WWOX: variants seen among roughly 807,000 people sequenced by gnomAD.
WWOX encodes the protein WW domain-containing oxidoreductase.
A neutral mutation model predicts 46.2 loss-of-function variants in WWOX; 69 were observed. The ratio of observed to expected loss-of-function variants is 1.49; its 90% CI spans 1.23 to 1.82. WWOX has a LOEUF of 1.82. Among genes scored for constraint, WWOX ranks in the 40% most tolerant of loss-of-function variants. The probability of loss-of-function intolerance (pLI) is 0.00; values close to 1 mark genes in which losing one functional copy is unlikely to be tolerated. For missense variants in WWOX, 919 were observed against 542.6 expected, an observed-to-expected ratio of 1.69 and a Z score of -6.89; for synonymous variants, 359 against 202.6, an observed-to-expected ratio of 1.77 and a Z score of -6.56.
intron 8 of WWOX, among the ~76,000 whole-genome samples, chr16:78,506,868 A>G (rs1473109405): frequency 1.3e-5 from 2 of 151,580 alleles, no homozygotes; most frequent in African/African-American, 4.9e-5. Flanking sequence ...ACCTACCACC[A>G]CGCCTGGCTA....
chr16:78,798,681 G>A (rs1311355826), intron 8 of WWOX, among the ~76,000 whole-genome samples: 1 of 151,504 alleles, frequency 6.6e-6, no homozygotes, highest in Admixed American at 6.6e-5. Flanking sequence ...ACCATCTCAG[G>A]GGTAAATAAA....
intron 8 of WWOX, among the ~76,000 whole-genome samples, chr16:78,983,064 G>C (rs1388563497): frequency 6.6e-6 from 1 of 152,174 alleles, no homozygotes; most frequent in Non-Finnish European, 1.5e-5. Context: ...TGTAGTCTGA[G>C]TTTCTTGTGG....
At chr16:78,619,217 A>T (rs1261509706) in intron 8 of WWOX, among the ~76,000 whole-genome samples, 1 of 84,150 alleles carries the variant, frequency 1.2e-5, no homozygotes, top group African/African-American at 4.6e-5. Context: ...ATATATATGT[A>T]GCCATGCATG....
intron 8 of WWOX, among the ~76,000 whole-genome samples, chr16:78,576,625 A>G (rs2044887162): frequency 6.6e-6 from 1 of 152,174 alleles, no homozygotes; most frequent in East Asian, 1.9e-4. Context: ...TTGAGGCCAG[A>G]AGTTTGTGAC....
At chr16:78,420,743 C>T (rs914475965) in intron 6 of WWOX, among the ~76,000 whole-genome samples, 1 of 149,362 alleles carries the variant, frequency 6.7e-6, no homozygotes, top group African/African-American at 2.5e-5. Context: ...AACAGCTGTA[C>T]AGTATACATA....
intron 1 of WWOX, among the ~76,000 whole-genome samples, chr16:78,103,478 G>A (rs544287387): frequency 1.3e-4 from 20 of 151,880 alleles, no homozygotes; most frequent in Non-Finnish European, 2.1e-4. Flanking sequence ...CCTTGTGTCC[G>A]TCCCTGCTGG....
intron 8 of WWOX, among the ~76,000 whole-genome samples, chr16:78,640,869 G>T (rs1313081878): frequency 6.6e-6 from 1 of 150,854 alleles, no homozygotes; most frequent in Non-Finnish European, 1.5e-5. Context: ...AACCTGGGAA[G>T]CAGAGGTTGC....
intron 8 of WWOX, among the ~76,000 whole-genome samples, chr16:78,910,871 G>C (rs530564231): frequency 3.3e-5 from 5 of 151,924 alleles, no homozygotes; most frequent in South Asian, 2.1e-4. Context: ...ATGAGATTTG[G>C]GTGGGGACAC....
chr16:78,443,361 A>T (rs1033966676), intron 8 of WWOX, among the ~76,000 whole-genome samples: 6 of 152,144 alleles, frequency 3.9e-5, no homozygotes, highest in African/African-American at 1.4e-4. Context: ...CCACTAAGAC[A>T]GATTACACAA....
intron 8 of WWOX, among the ~76,000 whole-genome samples, chr16:79,056,702 G>C (rs183036613): frequency 1.1e-4 from 16 of 152,294 alleles, no homozygotes; most frequent in African/African-American, 3.8e-4. Context: ...TAAGGGTCAT[G>C]TCTCTTGGCT....
intron 8 of WWOX, among the ~76,000 whole-genome samples, chr16:78,607,644 CTTTTTT>C (rs4035989): frequency 7.1e-6 from 1 of 141,564 alleles, no homozygotes; most frequent in Non-Finnish European, 1.5e-5. Flanking sequence ...ATTTGTTCTT[CTTTTTT>C]TTTTTTTTGG....
At chr16:79,179,475 A>G (rs929767783) in intron 8 of WWOX, among the ~76,000 whole-genome samples, 17 of 152,214 alleles carry the variant, frequency 1.1e-4, no homozygotes, top group Admixed American at 4.6e-4. Flanking sequence ...AGTCCGAACC[A>G]AGGGAAAACC....
chr16:78,544,768 A>G (rs1005109596), intron 8 of WWOX, among the ~76,000 whole-genome samples: 14 of 152,064 alleles, frequency 9.2e-5, no homozygotes, highest in Admixed American at 7.9e-4. Context: ...CCAGCTACTC[A>G]GGAGACTGCG....
At chr16:78,998,881 G>T (rs1172811343) in intron 8 of WWOX, among the ~76,000 whole-genome samples, 1 of 152,182 alleles carries the variant, frequency 6.6e-6, no homozygotes, top group African/African-American at 2.4e-5. Flanking sequence ...ATGCCTGGCA[G>T]GGGCGGTGTC....
At chr16:78,899,765 C>T (rs1488186259) in intron 8 of WWOX, 1 of 152,144 alleles carries the variant, frequency 6.6e-6, no homozygotes, top group African/African-American at 2.4e-5. Context: ...GAATTGTGTG[C>T]AAAGCAGCAT....
intron 8 of WWOX, among the ~76,000 whole-genome samples, chr16:78,869,978 A>C (rs777578808): frequency 6.6e-6 from 1 of 152,180 alleles, no homozygotes; most frequent in African/African-American, 2.4e-5. Flanking sequence ...AGGTTTTGGA[A>C]GCTGAATGAC....
At chr16:78,723,337 C>T (rs72799092) in intron 8 of WWOX, among the ~76,000 whole-genome samples, 22,367 of 152,108 alleles carry the variant, frequency 0.15, 2,169 homozygotes, top group Non-Finnish European at 0.21. Context: ...TGTCTGTCAA[C>T]GTGGCTTTTG....
chr16:78,785,074 C>T (rs544133720), intron 8 of WWOX, among the ~76,000 whole-genome samples: 2 of 152,248 alleles, frequency 1.3e-5, no homozygotes, highest in South Asian at 2.1e-4. Flanking sequence ...CTTGGGCAGT[C>T]TCCAGGGAAT....
chr16:78,730,617 A>ATTTTTTTTT (rs536906826), intron 8 of WWOX, among the ~76,000 whole-genome samples: 2 of 123,056 alleles, frequency 1.6e-5, no homozygotes, highest in African/African-American at 5.9e-5. Context: ...ACGCCCGGCA[A>ATTTTTTTTT]TTTTTTTTTT....
Sources: gnomAD v4.1 joint callset for allele counts (sites outside exome capture counted in the v4.1 genomes callset) on GRCh38, gnomAD v4.1.1 for gene constraint, MANE v1.5 for transcripts, NCBI Gene and HGNC (gene_info 2026-07-23, HGNC 2026-07-21) for gene names.